The following FAM167A variants were observed in gnomAD, a reference collection of about 807,000 sequenced individuals.
FAM167A encodes family with sequence similarity 167 member A.
Under a neutral mutation model 14.9 loss-of-function variants are expected in FAM167A, and 23 were observed. The observed-to-expected ratio is 1.55, with a 90% confidence interval of 1.11 to 2.19. FAM167A has a LOEUF of 2.19. Among genes scored for constraint, FAM167A ranks in the 30% most tolerant of loss-of-function variants. The pLI, the probability that FAM167A is intolerant of heterozygous loss-of-function variation, is 0.00. For synonymous variants in FAM167A, 174 were observed against 117.7 expected (o/e 1.48, Z -3.10); for missense variants, 401 against 281.5 (o/e 1.42, Z -3.04).
At chr8:11,426,696 G>A (rs1563356508) in intron 2 of FAM167A, among the ~76,000 whole-genome samples, 1 of 152,132 alleles carries the variant, frequency 6.6e-6, no homozygotes, top group South Asian at 2.1e-4. Flanking sequence ...AAAGGTGTAG[G>A]TAGATAAGAG....
rs765620953 is a variant in FAM167A, at chr8:11,424,514, GGTGGCATC to G, written c.496_503del (p.Asp166LeufsTer8). The G allele has an allele frequency of 1.2e-6, 2 of 1,614,106 alleles. No individual in the cohort carries two copies. Among genetic ancestry groups the G allele is most frequent in the Non-Finnish European group, 1.7e-6 (2 of 1,180,048 alleles). On this transcript the variant is annotated frameshift_variant, in exon 3 of 3. Coordinates refer to ENST00000284486, the MANE Select transcript of FAM167A (RefSeq NM_053279.3). LOFTEE classifies it high-confidence loss of function. ...GCTCATCCCGCTCCTCCAGCTCGTA[GGTGGCATC>G]GTTGAGCATCCTCCTGTGGAGGCGG...
chr8:11,436,535 CT>C (rs1446434027), intron 2 of FAM167A, among the ~76,000 whole-genome samples: 2 of 152,138 alleles, frequency 1.3e-5, no homozygotes, highest in Non-Finnish European at 2.9e-5. Flanking sequence ...AAGACACCCC[CT>C]AGCAGGGGCT....
At chr8:11,449,307 T>A (rs1032895255) in intron 1 of FAM167A, among the ~76,000 whole-genome samples, 1 of 152,170 alleles carries the variant, frequency 6.6e-6, no homozygotes, top group Non-Finnish European at 1.5e-5. Context: ...GAAAAGCTTG[T>A]CACTGCTCAC....
At chr8:11,461,476 GAC>G (rs1240332743) in intron 1 of FAM167A, among the ~76,000 whole-genome samples, 1 of 152,256 alleles carries the variant, frequency 6.6e-6, no homozygotes, top group Non-Finnish European at 1.5e-5. Flanking sequence ...GCAGAAAGTA[GAC>G]ACAGAGTGGC....
chr8:11,451,841 G>A (rs999690626), intron 1 of FAM167A, among the ~76,000 whole-genome samples: 1 of 152,206 alleles, frequency 6.6e-6, no homozygotes, highest in Admixed American at 6.5e-5. Context: ...GGGATCTCCT[G>A]CCTCTGCCTT....
intron 2 of FAM167A, among the ~76,000 whole-genome samples, chr8:11,430,837 G>A (rs573152402): frequency 1.3e-5 from 2 of 152,294 alleles, no homozygotes; most frequent in East Asian, 1.9e-4. Flanking sequence ...AAGGTCAGCC[G>A]AGGACATTCA....
intron 1 of FAM167A, among the ~76,000 whole-genome samples, chr8:11,462,853 A>G (rs1257437081): frequency 6.6e-6 from 1 of 152,226 alleles, no homozygotes; most frequent in Non-Finnish European, 1.5e-5. Flanking sequence ...AGCATTGGGC[A>G]TTTGATGATT....
At chr8:11,455,642 A>T (rs78465896) in intron 1 of FAM167A, among the ~76,000 whole-genome samples, 2 of 63,444 alleles carry the variant, frequency 3.2e-5, no homozygotes, top group South Asian at 5.6e-4. Flanking sequence ...GCTGGGTGTG[A>T]GTGTTGGGGG....
chr8:11,446,170 G>C (rs1806774044), intron 1 of FAM167A, among the ~76,000 whole-genome samples: 16 of 152,174 alleles, frequency 1.1e-4, no homozygotes, highest in Admixed American at 9.8e-4. Flanking sequence ...CCACCTCGCG[G>C]TGTCCTGGGA....
At chr8:11,456,353 GC>G in intron 1 of FAM167A, among the ~76,000 whole-genome samples, 1 of 16,134 alleles carries the variant, frequency 6.2e-5, no homozygotes, top group Admixed American at 8.3e-4. Context: ...TGGTTGCCCT[GC>G]TGGGTGTGTG....
intron 1 of FAM167A, among the ~76,000 whole-genome samples, chr8:11,473,170 G>T (rs1808012069): frequency 6.6e-6 from 1 of 152,196 alleles, no homozygotes. Context: ...ATAGCCCACG[G>T]CAACGTCAGT....
upstream of FAM167A, among the ~76,000 whole-genome samples, chr8:11,471,215 G>A (rs563926442): frequency 6.6e-6 from 1 of 152,340 alleles, no homozygotes; most frequent in Admixed American, 6.5e-5. Context: ...ACTGCATCTG[G>A]AAGGGCATGT....
At chr8:11,431,885 C>G (rs186840288) in intron 2 of FAM167A, among the ~76,000 whole-genome samples, 1,130 of 87,546 alleles carry the variant, frequency 0.013, 25 homozygotes, top group African/African-American at 0.056. Context: ...GGGTACTGGA[C>G]CAATTGGCAA....
At chr8:11,454,891 C>T (rs1327791167) in intron 1 of FAM167A, among the ~76,000 whole-genome samples, 2 of 152,204 alleles carry the variant, frequency 1.3e-5, no homozygotes, top group African/African-American at 2.4e-5. Context: ...CCCCACAGAG[C>T]TGCTGCCGGG....
At chr8:11,426,981 G>C (rs901859446) in intron 2 of FAM167A, among the ~76,000 whole-genome samples, 1 of 152,238 alleles carries the variant, frequency 6.6e-6, no homozygotes, top group African/African-American at 2.4e-5. Flanking sequence ...TACATTGCCA[G>C]GGTGAAATTC....
At position 11,421,595 on chromosome 8, in the gene FAM167A, G is replaced by C. The variant is rs1804730178; in HGVS notation, c.*2778C>G. On this transcript the variant is annotated 3_prime_UTR_variant, in exon 3 of 3. Coordinates refer to ENST00000284486, the MANE Select transcript of FAM167A (RefSeq NM_053279.3). ...TAAATCGTCCATTGATTATGTAATA[G>C]CACTTGGTATTGCTACAGGGTGTGG... 4 of 397,870 alleles carry C rather than the reference G, an allele frequency of 1.0e-5. No homozygotes were observed. Among genetic ancestry groups the C allele is most frequent in the African/African-American group, 6.2e-5 (3 of 48,596 alleles). The allele number at this position is 397,870 out of a possible 1,614,324, so 24.6% of individuals were successfully genotyped here.
intron 2 of FAM167A, among the ~76,000 whole-genome samples, chr8:11,425,072 TTTC>T (rs759218066): frequency 6.6e-6 from 1 of 152,214 alleles, no homozygotes; most frequent in South Asian, 2.1e-4. Flanking sequence ...ATGGCCATGT[TTTC>T]TTTCTTACGC....
chr8:11,438,287 A>C (rs1261114621), intron 2 of FAM167A: 1 of 401,736 alleles, frequency 2.5e-6, no homozygotes, highest in Admixed American at 2.8e-5. Context: ...GAGAGCAGGC[A>C]GGACCTCCCG....
At chr8:11,426,368 T>C (rs888400791) in intron 2 of FAM167A, among the ~76,000 whole-genome samples, 2 of 152,216 alleles carry the variant, frequency 1.3e-5, no homozygotes, top group African/African-American at 4.8e-5. Flanking sequence ...CAGGACCTCA[T>C]GAGACTGTTC....
Sources: allele counts gnomAD v4.1 joint callset (sites outside exome capture counted in the v4.1 genomes callset), GRCh38; gene constraint gnomAD v4.1.1; transcripts MANE v1.5; gene names NCBI Gene and HGNC (gene_info 2026-07-23, HGNC 2026-07-21).